Variants in DAB1 observed in about 807,000 individuals in gnomAD.
DAB1 encodes the protein disabled homolog 1.
In DAB1, 15 loss-of-function variants were observed where a neutral mutation model predicts 64.6. The observed-to-expected ratio is 0.23, with a 90% confidence interval of 0.16 to 0.36. The LOEUF is 0.36. DAB1 is among the 10% of genes least tolerant of loss of function. The pLI is 1.00. For synonymous variants in DAB1, 235 were observed against 251.9 expected (o/e 0.93, Z 0.64); for missense variants, 596 against 706.7 (o/e 0.84, Z 1.78).
chr1:57,680,768 C>A (rs997252401), intron 6 of DAB1, among the ~76,000 whole-genome samples: 2 of 152,142 alleles, frequency 1.3e-5, no homozygotes, highest in Admixed American at 1.3e-4. Context: ...AGAATGATGT[C>A]TAAGGATGTG....
chr1:58,127,932 G>C (rs926367014), intron 5 of DAB1, among the ~76,000 whole-genome samples: 5 of 152,158 alleles, frequency 3.3e-5, no homozygotes, highest in African/African-American at 1.2e-4. Context: ...GGATTGACTT[G>C]GCTATGCGGG....
intron 5 of DAB1, among the ~76,000 whole-genome samples, chr1:57,998,099 A>G (rs116280221): frequency 0.011 from 1,663 of 152,282 alleles, 28 homozygotes; most frequent in African/African-American, 0.038. Context: ...GCTCCTTTGC[A>G]AGTTCTCCCT....
intron 2 of DAB1, among the ~76,000 whole-genome samples, chr1:57,279,233 G>A (rs1265772991): frequency 6.6e-6 from 1 of 152,088 alleles, no homozygotes; most frequent in African/African-American, 2.4e-5. Flanking sequence ...AGATATTCAA[G>A]TTCTTTATAT....
chr1:57,067,634 T>C (rs1328890792), intron 8 of DAB1, among the ~76,000 whole-genome samples: 1 of 152,050 alleles, frequency 6.6e-6, no homozygotes, highest in Non-Finnish European at 1.5e-5. Context: ...TCTAAAAAAA[T>C]CAAAGTCCTA....
rs984047410 is a variant in DAB1, at chr1:57,030,964, C to T, written c.724-4921G>A. On this transcript the variant is annotated intron_variant, in intron 9 of 14. Transcript: ENST00000371236. ...AAATGAAGTTATTAATTAAGTCACA[C>T]AATTTACATTTCAAATGTGTTGAAC... is the stretch of plus-strand genomic sequence containing the variant. Among the ~76,000 whole-genome samples, 11 of 152,310 alleles carry T rather than the reference C, an allele frequency of 7.2e-5. No homozygotes were observed. In the Middle Eastern group the frequency reaches 0.01, roughly 141 times the overall value.
intron 5 of DAB1, among the ~76,000 whole-genome samples, chr1:58,129,980 G>C (rs1427239622): frequency 1.4e-5 from 2 of 144,988 alleles, no homozygotes; most frequent in East Asian, 4.1e-4. Flanking sequence ...GGTCCCCTTG[G>C]TGCAGAGCTG....
In DAB1 at chr1:57,367,626, G is replaced by A. The variant is rs1002239193; in HGVS notation, c.-137+56304C>T. Among the ~76,000 whole-genome samples the A allele has an allele frequency of 3.9e-5, 6 of 152,182 alleles. 1 individual carries two copies. The highest frequency in any genetic ancestry group is 4.1e-4 in the South Asian group (2 of 4,832). ...CAGTGGCGACCTATCTGGAGCAGCC[G>A]TTGCCATCACGCTAGCTGCAGCAGT... On this transcript the variant is annotated intron_variant, in intron 1 of 14. Transcript: ENST00000371236.
intron 1 of DAB1, among the ~76,000 whole-genome samples, chr1:57,318,335 A>G (rs1675396951): frequency 6.6e-6 from 1 of 152,172 alleles, no homozygotes; most frequent in Non-Finnish European, 1.5e-5. Flanking sequence ...TTCTAAAGAA[A>G]AGGAGAAAAG....
intron 5 of DAB1, among the ~76,000 whole-genome samples, chr1:57,974,814 A>G (rs1645881354): frequency 6.6e-6 from 1 of 152,164 alleles, no homozygotes; most frequent in South Asian, 2.1e-4. Context: ...TACTCCATAC[A>G]TGATTATTAT....
intron 2 of DAB1, among the ~76,000 whole-genome samples, chr1:57,159,054 A>G (rs1205099882): frequency 2.0e-5 from 3 of 152,134 alleles, no homozygotes; most frequent in Non-Finnish European, 4.4e-5. Flanking sequence ...CAGATCAGGA[A>G]CCACTGAGTT....
intron 7 of DAB1, among the ~76,000 whole-genome samples, chr1:57,608,547 T>C (rs1489374988): frequency 2.0e-5 from 3 of 152,086 alleles, no homozygotes; most frequent in African/African-American, 7.3e-5. Context: ...TAGACTTGAG[T>C]TATTCTCCTT....
intron 5 of DAB1, among the ~76,000 whole-genome samples, chr1:57,999,443 T>A (rs1256427278): frequency 6.6e-6 from 1 of 152,116 alleles, no homozygotes; most frequent in East Asian, 1.9e-4. Flanking sequence ...TACAGGAGAT[T>A]CTGAACCCTC....
intron 4 of DAB1, among the ~76,000 whole-genome samples, chr1:58,298,919 G>T (rs1662053008): frequency 6.6e-6 from 1 of 152,170 alleles, no homozygotes. Flanking sequence ...CTATTTACCA[G>T]TATAATTACT....
At chr1:57,225,571 C>G in intron 2 of DAB1, among the ~76,000 whole-genome samples, 1 of 152,110 alleles carries the variant, frequency 6.6e-6, no homozygotes, top group Admixed American at 6.5e-5. Flanking sequence ...AGCCACAGTC[C>G]CTGCTCTCAA....
intron 1 of DAB1, among the ~76,000 whole-genome samples, chr1:57,324,520 C>A (rs1675996318): frequency 6.6e-6 from 1 of 152,146 alleles, no homozygotes; most frequent in Non-Finnish European, 1.5e-5. Context: ...TAATGTGGGT[C>A]TTGGAGTCCA....
At chr1:57,294,226 C>T (rs1673011819) in intron 1 of DAB1, among the ~76,000 whole-genome samples, 1 of 152,186 alleles carries the variant, frequency 6.6e-6, no homozygotes, top group Non-Finnish European at 1.5e-5. Context: ...TTCAGGCTTG[C>T]CTGGAATTTT....
chr1:57,842,849 T>C (rs943925990), intron 1 of DAB1, among the ~76,000 whole-genome samples: 6 of 152,218 alleles, frequency 3.9e-5, no homozygotes, highest in Non-Finnish European at 2.9e-5. Flanking sequence ...TCACTTAGTG[T>C]ACCTTAAGTG....
At chr1:57,816,466 C>T (rs1042876788) in intron 6 of DAB1, among the ~76,000 whole-genome samples, 1 of 152,218 alleles carries the variant, frequency 6.6e-6, no homozygotes, top group Non-Finnish European at 1.5e-5. Context: ...GATCATCATT[C>T]ATTATCTGGC....
At chr1:58,068,780 AC>A (rs1285072689) in intron 5 of DAB1, among the ~76,000 whole-genome samples, 1 of 137,200 alleles carries the variant, frequency 7.3e-6, no homozygotes, top group East Asian at 2.3e-4. Context: ...AAAAAAAAAA[AC>A]CAAAAAAAAA....
Sources: allele counts gnomAD v4.1 joint callset (sites outside exome capture counted in the v4.1 genomes callset), GRCh38; gene constraint gnomAD v4.1.1; transcripts MANE v1.5; gene names NCBI Gene and HGNC (gene_info 2026-07-23, HGNC 2026-07-21).